The following PTPRS variants were observed in gnomAD, a reference collection of about 807,000 sequenced individuals.
PTPRS encodes the protein protein tyrosine phosphatase receptor type S.
In PTPRS, 63 loss-of-function variants were observed where a neutral mutation model predicts 215.3. The ratio of observed to expected loss-of-function variants is 0.29; its 90% confidence interval spans 0.24 to 0.36. PTPRS has a LOEUF of 0.36. Ranked by LOEUF, PTPRS falls within the 10% of genes least tolerant of loss-of-function variation. PTPRS has a pLI of 1.00. For missense variants in PTPRS, 2,258 were observed against 2,825.8 expected, an observed-to-expected ratio of 0.80 and a Z score of 4.56; for synonymous variants, 1,404 against 1,191.4, an observed-to-expected ratio of 1.18 and a Z score of -3.68.
At chr19:5,282,132 G>A (rs186903920) in intron 2 of PTPRS, among the ~76,000 whole-genome samples, 228 of 152,162 alleles carry the variant, frequency 1.5e-3, no homozygotes, top group Non-Finnish European at 2.6e-3. Context: ...ACTTCTTCTC[G>A]GTGTGTGGTG....
chr19:5,244,839 T>C lies in PTPRS; in HGVS notation c.989-357A>G, dbSNP rs1488380735. ...CGCCTGCCACCACACTCAGCTAATT[T>C]TTTGTATTTTCAGTTGAGACGGGTT... is the stretch of plus-strand genomic sequence containing the variant. On this transcript the variant is annotated intron_variant, in intron 10 of 37. Transcript: ENST00000262963. The surrounding 1 kb of genome is among the most constrained non-coding windows in gnomAD (Gnocchi z 7.2). 6.9e-6 allele frequency among the ~76,000 whole-genome samples: 1 copy of C among 145,452 alleles called. No homozygotes were observed. The highest frequency in any genetic ancestry group is 6.7e-5 in the Admixed American group (1 of 14,926).
rs2048340487 is a variant in PTPRS, at chr19:5,286,243, A to G, written c.-94-9T>C. 7.8e-7 allele frequency: 1 copy of G among 1,289,096 alleles called. No individual in the cohort carries two copies. Among genetic ancestry groups the G allele is most frequent in the Non-Finnish European group, 1.1e-6 (1 of 912,194 alleles). 79.9% of individuals were successfully genotyped at this position (1,289,096 alleles called of 1,614,324 possible). A position where few individuals can be genotyped will look rare whatever the true frequency, so the allele number is the denominator to read the frequency against. On this transcript the variant is annotated splice_polypyrimidine_tract_variant and intron_variant, in intron 1 of 37. Transcript: ENST00000262963. The stretch of plus-strand genomic sequence containing the variant: ...GTCAGATGGGGCAACGTCTGCAGAG[A>G]CAATGGAGGGCTGTGAGAGGCGAGT...
At position 5,237,799 on chromosome 19, in the gene PTPRS, G is replaced by A. The variant is rs560237865; in HGVS notation, c.1849+1120C>T. On this transcript the variant is annotated intron_variant, in intron 13 of 37. Transcript: ENST00000262963. The surrounding 1 kb of genome is among the most constrained non-coding windows in gnomAD (Gnocchi z 4.2). Reference sequence around the variant, plus strand: ...CGCCCAGACGCCTTGGAGCCGCCAGGTGCTCAGCTCGGCTTGGTTTGTGGG... The same window carrying A: ...CGCCCAGACGCCTTGGAGCCGCCAGATGCTCAGCTCGGCTTGGTTTGTGGG... 2.1e-3 allele frequency among the ~76,000 whole-genome samples: 319 copies of A among 152,280 alleles called. 1 individual carries two copies. Among genetic ancestry groups the A allele is most frequent in the Non-Finnish European group, 3.6e-3 (248 of 68,026 alleles).
chr19:5,272,482 C>T (rs368790071), intron 4 of PTPRS, among the ~76,000 whole-genome samples: 14 of 151,506 alleles, frequency 9.2e-5, no homozygotes, highest in African/African-American at 3.1e-4. Flanking sequence ...CCTGTAATCC[C>T]AGCTACTTGG....
chr19:5,306,148 A>T (rs2049486800), intron 1 of PTPRS, among the ~76,000 whole-genome samples: 1 of 140,750 alleles, frequency 7.1e-6, no homozygotes. Context: ...ATACAGGGTG[A>T]TTTTTTTTTT....
intron 30 of PTPRS, among the ~76,000 whole-genome samples, chr19:5,213,703 C>A (rs1270620983): frequency 3.9e-5 from 6 of 152,088 alleles, no homozygotes; most frequent in Non-Finnish European, 5.9e-5. Flanking sequence ...CACTCTTGTC[C>A]ATGTACTCAG....
intron 24 of PTPRS, 109 bp from the exon 25 acceptor site, chr19:5,218,641 T>G: frequency 6.6e-7 from 1 of 1,513,798 alleles, no homozygotes; most frequent in Non-Finnish European, 9.2e-7. Context: ...TGGACCCGTA[T>G]GACTAGGGTT....
At chr19:5,278,643 T>C (rs1337603570) in intron 2 of PTPRS, among the ~76,000 whole-genome samples, 1 of 150,968 alleles carries the variant, frequency 6.6e-6, no homozygotes, top group East Asian at 2.0e-4. Context: ...CCCGGCTAAT[T>C]TTTGTATTTT....
rs960914240 is a variant in PTPRS at position 5,295,750 on chromosome 19, C to G, written c.-94-9516G>C. ...TCATAAAGCAGGCATCTTCACCTAC[C>G]CTTTTTTCAAGACAGGGTCTCGCTC... On this transcript the variant is annotated intron_variant, in intron 1 of 37. Coordinates refer to ENST00000262963, the MANE Select transcript of PTPRS (RefSeq NM_002850.4). The surrounding 1 kb of genome is among the most constrained non-coding windows in gnomAD (Gnocchi z 4.6). 1.3e-5 allele frequency among the ~76,000 whole-genome samples: 2 copies of G among 152,156 alleles called. No homozygotes were observed. The highest frequency in any genetic ancestry group is 4.8e-5 in the African/African-American group (2 of 41,446).
At chr19:5,234,545 T>C (rs915630373) in intron 13 of PTPRS, among the ~76,000 whole-genome samples, 1 of 152,208 alleles carries the variant, frequency 6.6e-6, no homozygotes, top group African/African-American at 2.4e-5. Context: ...ACATCTACTA[T>C]GGACTGGGTA....
At chr19:5,302,520 C>T (rs1264672224) in intron 1 of PTPRS, among the ~76,000 whole-genome samples, 1 of 152,180 alleles carries the variant, frequency 6.6e-6, no homozygotes, top group Non-Finnish European at 1.5e-5. Flanking sequence ...GAAAATAGTA[C>T]CCAGTTATCC....
chr19:5,312,134 A>C (rs1456735808), intron 1 of PTPRS, among the ~76,000 whole-genome samples: 1 of 152,128 alleles, frequency 6.6e-6, no homozygotes, highest in Non-Finnish European at 1.5e-5. Context: ...AACACATCTC[A>C]TAGGAAAGCA....
At chr19:5,217,279 A>G (rs2041560897) in intron 25 of PTPRS, among the ~76,000 whole-genome samples, 1 of 152,248 alleles carries the variant, frequency 6.6e-6, no homozygotes, top group Non-Finnish European at 1.5e-5. Flanking sequence ...ATGGGAGCAC[A>G]TTAGCGGTGA....
chr19:5,305,766 T>TACA (rs372468377), intron 1 of PTPRS, among the ~76,000 whole-genome samples: 1 of 109,754 alleles, frequency 9.1e-6, no homozygotes, highest in Non-Finnish European at 1.7e-5. Context: ...TATATATATA[T>TACA]TTTTTTTTTA....
intron 25 of PTPRS, 58 bp from the exon 26 acceptor site, chr19:5,216,825 C>T: frequency 8.8e-7 from 1 of 1,138,426 alleles, no homozygotes; most frequent in Non-Finnish European, 1.3e-6. Flanking sequence ...GGGGGTCCCA[C>T]CTCTGCCTCC....
chr19:5,218,465 G>C lies in PTPRS; in HGVS notation c.4003C>G (p.Pro1335Ala). Residue 1335 changes from proline (P) to alanine (A), a missense_variant, in exon 25 of 38, where the codon CCC becomes GCC. By Grantham distance (27) the Pro-to-Ala change is conservative. Around this residue, in one of 6 missense-constraint regions of PTPRS, gnomAD observed 927 missense variants for 1,125.9 expected, o/e 0.82. Transcript: ENST00000262963. ...LNNADLAPHHPKDPVEMRRIN... is the reference protein window; with the variant it reads ...LNNADLAPHHAKDPVEMRRIN... Reference sequence around the variant, plus strand: ...CGTCTCATTTCCACAGGGTCCTTGGGGTGGTGAGGGGCGAGGTCGGCATTG... The same window carrying C: ...CGTCTCATTTCCACAGGGTCCTTGGCGTGGTGAGGGGCGAGGTCGGCATTG... The C allele has an allele frequency of 6.2e-7, 1 of 1,614,104 alleles. No individual in the cohort carries two copies. The highest frequency in any genetic ancestry group is 1.1e-5 in the South Asian group (1 of 91,072).
Position 5,206,505 on chromosome 19 carries a change from C to A in PTPRS, c.*269G>T. On this transcript the variant is annotated 3_prime_UTR_variant, in exon 38 of 38. Coordinates refer to ENST00000262963, the MANE Select transcript of PTPRS (RefSeq NM_002850.4). ...TTGCTCACCATCCCCCCACCCCCCA[C>A]CCCGGAATCTGGTTTTGGAATTGGA... 2.9e-6 allele frequency: 1 copy of A among 346,986 alleles called. No homozygotes were observed. Among genetic ancestry groups the A allele is most frequent in the Non-Finnish European group, 5.5e-6 (1 of 182,510 alleles). 21.5% of individuals were successfully genotyped at this position (346,986 alleles called of 1,614,324 possible). A position where few individuals can be genotyped will look rare whatever the true frequency, so the allele number is the denominator to read the frequency against.
At chr19:5,258,990 G>A (rs1001488733) in intron 7 of PTPRS, among the ~76,000 whole-genome samples, 7 of 152,172 alleles carry the variant, frequency 4.6e-5, no homozygotes, top group Admixed American at 2.0e-4. Context: ...TGAAATTATG[G>A]TCCTAGACCC....
At position 5,231,394 on chromosome 19, in the gene PTPRS, G is replaced by C; in HGVS notation, c.2071C>G (p.Gln691Glu). ...TGAGCGACAGTCGTGATGCGGTACT[G>C]GGTCCACTTCTCCAAGGCCTCCAGC... ...ILLEALEKWT[Q>E]YRITTVAHTE... Residue 691 changes from glutamine (Q) to glutamate (E), a missense_variant, in exon 14 of 38, where the codon CAG (glutamine) becomes GAG (glutamate). Physicochemically the swap from Gln to Glu is conservative, Grantham distance 29 (BLOSUM62 2). Around this residue, in one of 6 missense-constraint regions of PTPRS, gnomAD observed 371 missense variants for 446.7 expected, o/e 0.83. Transcript: ENST00000262963. 6.2e-7 allele frequency: 1 copy of C among 1,613,220 alleles called. No individual in the cohort carries two copies. The highest frequency in any genetic ancestry group is 8.5e-7 in the Non-Finnish European group (1 of 1,179,930).
Sources: gnomAD v4.1 joint callset for allele counts (sites outside exome capture counted in the v4.1 genomes callset) on GRCh38, gnomAD v4.1.1 for gene constraint, gnomAD v4.1.1 regional missense constraint, Gnocchi (gnomAD v3.1) non-coding constraint, MANE v1.5 for transcripts, NCBI Gene and HGNC (gene_info 2026-07-23, HGNC 2026-07-21) for gene names.